EXOC1: variants seen among roughly 807,000 people sequenced by gnomAD.
EXOC1 encodes exocyst complex component 1, also known as SEC3-like 1.
EXOC1 carries 67 observed loss-of-function variants against 107.7 expected under a neutral mutation model. The observed-to-expected ratio is 0.62, with a 90% CI of 0.51 to 0.76. The LOEUF (loss-of-function observed/expected upper bound fraction) is 0.76, where lower values mean the gene tolerates loss of function less well. Among genes scored for constraint, EXOC1 ranks in the 30% least tolerant of loss-of-function variants. The probability of loss-of-function intolerance (pLI) is 0.00; values close to 1 mark genes in which losing one functional copy is unlikely to be tolerated. For synonymous variants in EXOC1, 348 were observed against 353.5 expected (o/e 0.98, Z 0.17); for missense variants, 833 against 1,055.7 (o/e 0.79, Z 2.92).
chr4:55,894,542 A>G (rs1362375263), intron 15 of EXOC1, among the ~76,000 whole-genome samples: 1 of 150,648 alleles, frequency 6.6e-6, no homozygotes, highest in African/African-American at 2.4e-5. Flanking sequence ...TTAGGAATAA[A>G]TTGTTATAAC....
At chr4:55,873,679 C>G (rs757750649) in intron 8 of EXOC1, among the ~76,000 whole-genome samples, 1 of 152,086 alleles carries the variant, frequency 6.6e-6, no homozygotes, top group Admixed American at 6.6e-5. Flanking sequence ...AAAATCAGAA[C>G]GCTGCGACAA....
chr4:55,868,446 G>C lies in EXOC1; in HGVS notation c.526G>C (p.Glu176Gln), dbSNP rs1469466393. The C allele has an allele frequency of 6.2e-7, 1 of 1,613,770 alleles. No individual in the cohort carries two copies. Among genetic ancestry groups the C allele is most frequent in the Non-Finnish European group, 8.5e-7 (1 of 1,179,782 alleles). ...REEQDIEIMM[E>Q]GCEYAISNAE... is the part of the protein sequence containing the mutation. Reference sequence around the variant, plus strand: ...AGAACAGGATATCGAAATAATGATGGAAGGCTGTGAATATGCAATCTCGAA... The same window carrying C: ...AGAACAGGATATCGAAATAATGATGCAAGGCTGTGAATATGCAATCTCGAA... The change falls in exon 5 of 19, where the codon GAA (glutamate) becomes CAA (glutamine). Residue 176 changes from glutamate (E) to glutamine (Q), a missense_variant. Coordinates refer to ENST00000381295, the MANE Select transcript of EXOC1 (RefSeq NM_001024924.2).
Position 55,859,378 on chromosome 4 carries a change from G to C in EXOC1, c.124+931G>C, listed in dbSNP as rs1721272585. Among the ~76,000 whole-genome samples, 3 of 151,982 alleles carry C rather than the reference G, an allele frequency of 2.0e-5. No homozygotes were observed. The South Asian group carries it at 6.2e-4, about 32-fold the overall frequency. On this transcript the variant is annotated intron_variant, in intron 2 of 18. Transcript: ENST00000381295. ...ACTCCTGAGTATTGGTTTATTCTTA[G>C]ATTTTATTTGATAGTCGTGAAAGCG...
At chr4:55,866,340 C>T (rs201238332) in intron 4 of EXOC1, among the ~76,000 whole-genome samples, 1 of 152,022 alleles carries the variant, frequency 6.6e-6, no homozygotes, top group East Asian at 1.9e-4. Flanking sequence ...CATTCTTTTA[C>T]TTGCAACCAG....
intron 12 of EXOC1, 63 bp from the exon 13 acceptor site, chr4:55,891,252 G>A: frequency 1.0e-6 from 1 of 957,470 alleles, no homozygotes; most frequent in South Asian, 1.3e-5. Context: ...AATTAAATGT[G>A]GAGTGTTATT....
rs921170974 is a variant in EXOC1 at position 55,853,777 on chromosome 4, C to T, written c.-187C>T. ...TTTGGAAGACCCGCCTCGGCACAGC[C>T]AGGCTCAGTCCGGCCTTGCGGTAAG... On this transcript the variant is annotated 5_prime_UTR_variant, in exon 1 of 19. Coordinates refer to ENST00000381295, the MANE Select transcript of EXOC1 (RefSeq NM_001024924.2). The T allele has an allele frequency of 3.9e-5, 6 of 152,332 alleles. No individual in the cohort carries two copies. Among genetic ancestry groups the T allele is most frequent in the Non-Finnish European group, 8.8e-5 (6 of 68,102 alleles). 9.4% of individuals were successfully genotyped at this position (152,332 alleles called of 1,614,324 possible).
intron 7 of EXOC1, among the ~76,000 whole-genome samples, chr4:55,871,499 G>A (rs968488134): frequency 6.6e-6 from 1 of 152,092 alleles, no homozygotes; most frequent in African/African-American, 2.4e-5. Context: ...CAGAAAGTAG[G>A]TGCTTTGGTT....
chr4:55,860,551 T>C lies in EXOC1; in HGVS notation c.255+10T>C, dbSNP rs768663078. 8 of 1,613,476 alleles carry C rather than the reference T, an allele frequency of 5.0e-6. No homozygotes were observed. In the South Asian group the frequency reaches 8.8e-5, roughly 18 times the overall value. On this transcript the variant is annotated intron_variant, in intron 3 of 18. Transcript: ENST00000381295. ...CAAAGATGCTATCAAAGTAGGTTTT[T>C]CTCAGTTCTTTGACCTGTGTTCAGA...
chr4:55,903,318 C>T (rs1726215217), intron 18 of EXOC1, among the ~76,000 whole-genome samples: 2 of 151,926 alleles, frequency 1.3e-5, no homozygotes, highest in African/African-American at 4.8e-5. Flanking sequence ...TTGAAAGGCC[C>T]AGATATGAGT....
intron 3 of EXOC1, among the ~76,000 whole-genome samples, chr4:55,861,919 C>T (rs866592167): frequency 3.4e-4 from 51 of 152,198 alleles, no homozygotes; most frequent in African/African-American, 1.1e-3. Flanking sequence ...CTGGGCGTGG[C>T]GGCACACGCC....
chr4:55,893,691 A>G lies in EXOC1; in HGVS notation c.1864A>G (p.Thr622Ala). Residue 622 changes from threonine to alanine, a missense_variant, in exon 15 of 19, where the codon ACT (threonine) becomes GCT (alanine). By Grantham distance (58) the Thr-to-Ala change is moderately conservative. Around this residue, in one of 2 missense-constraint regions of EXOC1, gnomAD observed 216 missense variants for 354.4 expected, o/e 0.61. Coordinates refer to ENST00000381295, the MANE Select transcript of EXOC1 (RefSeq NM_001024924.2). ...MLVKMSHHVW[T>A]AQNVDPASFL... ...AGTCAAAATGAGTCATCATGTGTGG[A>G]CTGCACAAAATGTGGACCCTGCTTC... The G allele has an allele frequency of 6.2e-7, 1 of 1,614,154 alleles. No individual in the cohort carries two copies. Among genetic ancestry groups the G allele is most frequent in the Non-Finnish European group, 8.5e-7 (1 of 1,180,010 alleles).
intron 18 of EXOC1, among the ~76,000 whole-genome samples, chr4:55,903,451 A>G (rs1007619322): frequency 5.3e-5 from 8 of 152,208 alleles, no homozygotes; most frequent in Non-Finnish European, 1.0e-4. Flanking sequence ...GTAGCATTCT[A>G]GAAAGAAATA....
chr4:55,880,557 C>T (rs977272164), intron 9 of EXOC1, among the ~76,000 whole-genome samples: 4 of 152,142 alleles, frequency 2.6e-5, no homozygotes, highest in Non-Finnish European at 5.9e-5. Context: ...AATAATTAAA[C>T]ATAAATTATA....
Position 55,894,614 on chromosome 4 carries a change from C to CTTTTTTTTTTTTTTT in EXOC1, c.1953+845_1953+859dup, listed in dbSNP as rs772700227. 1.3e-4 allele frequency among the ~76,000 whole-genome samples: 10 copies of CTTTTTTTTTTTTTTT among 76,130 alleles called. 1 individual carries two copies. The highest frequency in any genetic ancestry group is 1.3e-3 in the South Asian group (2 of 1,560). The allele number at this position is 76,130 out of a possible 152,430, so 49.9% of individuals were successfully genotyped here. A position where few individuals can be genotyped will look rare whatever the true frequency, so the allele number is the denominator to read the frequency against. On this transcript the variant is annotated intron_variant, in intron 15 of 18. Coordinates refer to ENST00000381295, the MANE Select transcript of EXOC1 (RefSeq NM_001024924.2). The stretch of plus-strand genomic sequence containing the variant: ...TTGACAACTTTCTTACTATCTGTTA[C>CTTTTTTTTTTTTTTT]TTTTTTTTTTTTTTTTTTTTTTTTT...
Position 55,871,979 on chromosome 4 carries a change from A to G in EXOC1, c.1074+21A>G, listed in dbSNP as rs376107810. The stretch of plus-strand genomic sequence containing the variant: ...AACAGGTAATTTTATTTTATTATTA[A>G]AACGAGCATGTTCCTATAGCTTATT... On this transcript the variant is annotated intron_variant, in intron 8 of 18. Coordinates refer to ENST00000381295, the MANE Select transcript of EXOC1 (RefSeq NM_001024924.2). The G allele has an allele frequency of 8.1e-6, 13 of 1,600,176 alleles. No individual in the cohort carries two copies. The African/African-American group carries it at 1.7e-4, about 21-fold the overall frequency.
chr4:55,858,193 A>G (rs1452869798), intron 1 of EXOC1, 121 bp from the exon 2 acceptor site: 2 of 908,546 alleles, frequency 2.2e-6, no homozygotes, highest in Non-Finnish European at 3.2e-6. Context: ...AGGTGTATTC[A>G]TATATTAAAT....
intron 9 of EXOC1, among the ~76,000 whole-genome samples, chr4:55,879,504 A>G (rs1037490194): frequency 1.2e-4 from 19 of 152,272 alleles, no homozygotes; most frequent in African/African-American, 4.6e-4. Flanking sequence ...ATTGTGGACC[A>G]TGCAAAGATT....
rs1313073881 is a variant in EXOC1 at position 55,890,303 on chromosome 4, A to T, written c.1456A>T (p.Arg486Ter). 6.2e-7 allele frequency: 1 copy of T among 1,614,092 alleles called. No individual in the cohort carries two copies. ...CAGTGTTCAGAGTTCAGGGAATCGC[A>T]GATCTCAGTCATCTTCCCTGTTGGA... ...KLSVQSSGNRRSQSSSLLDMG... is the reference protein window; with the variant it reads ...KLSVQSSGNR Residue 486 changes from arginine to a stop codon, truncating the protein, a stop_gained, in exon 12 of 19, where the codon AGA becomes TGA. Transcript: ENST00000381295. LOFTEE classifies it high-confidence loss of function.
intron 10 of EXOC1, among the ~76,000 whole-genome samples, chr4:55,887,851 G>A (rs924331772): frequency 2.0e-5 from 3 of 152,126 alleles, no homozygotes; most frequent in Non-Finnish European, 4.4e-5. Flanking sequence ...TAGCTCCAGC[G>A]TGATCCCTGT....
Sources: gnomAD v4.1 joint callset for allele counts (sites outside exome capture counted in the v4.1 genomes callset) on GRCh38, gnomAD v4.1.1 for gene constraint, gnomAD v4.1.1 regional missense constraint, MANE v1.5 for transcripts, NCBI Gene and HGNC (gene_info 2026-07-23, HGNC 2026-07-21) for gene names.